The following LRAT variants were observed in gnomAD, a reference collection of about 807,000 sequenced individuals.
LRAT encodes lecithin retinol acyltransferase.
A neutral mutation model predicts 14.2 loss-of-function variants in LRAT; 11 were observed. The ratio of observed to expected loss-of-function variants is 0.78; its 90% CI spans 0.49 to 1.29. The LOEUF (loss-of-function observed/expected upper bound fraction) is 1.29. Ranked by LOEUF, LRAT falls within the 50% of genes most tolerant of loss-of-function variation. The pLI, the probability that LRAT is intolerant of heterozygous loss-of-function variation, is 0.00. For synonymous variants in LRAT, 144 were observed against 124.8 expected (o/e 1.15, Z -1.03); for missense variants, 274 against 292.4 (o/e 0.94, Z 0.46).
chr4:154,744,045 T>C lies in LRAT; in HGVS notation c.-179T>C, dbSNP rs1560870111. 9 of 490,044 alleles carry C rather than the reference T, an allele frequency of 1.8e-5. No individual in the cohort carries two copies. In the East Asian group the frequency reaches 3.4e-4, roughly 18 times the overall value. 30.4% of individuals were successfully genotyped at this position (490,044 alleles called of 1,614,324 possible). A position where few individuals can be genotyped will look rare whatever the true frequency, so the allele number is the denominator to read the frequency against. On this transcript the variant is annotated 5_prime_UTR_variant, in exon 1 of 3. Transcript: ENST00000336356. ...CCCCCGGCACGGCCCCCAGGTGCGC[T>C]CCTTCTCCGGCTGCTTGTAGCACTG...
chr4:154,744,128 G>C lies in LRAT; in HGVS notation c.-96G>C, dbSNP rs1229491340. The C allele has an allele frequency of 4.9e-6, 3 of 616,082 alleles. No individual in the cohort carries two copies. The East Asian group carries it at 8.3e-5, about 17-fold the overall frequency. 38.2% of individuals were successfully genotyped at this position (616,082 alleles called of 1,614,324 possible). On this transcript the variant is annotated 5_prime_UTR_variant, in exon 1 of 3. Coordinates refer to ENST00000336356, the MANE Select transcript of LRAT (RefSeq NM_004744.5). ...CTTATCCGTCTCATTCCCCATTGTGGCTTGGCTGAGCCGGTCGCCAGGCCT... is the reference window on the plus strand; with the variant it reads ...CTTATCCGTCTCATTCCCCATTGTGCCTTGGCTGAGCCGGTCGCCAGGCCT...
Position 154,744,153 on chromosome 4 carries a change from T to C in LRAT, c.-71T>C. On this transcript the variant is annotated 5_prime_UTR_variant, in exon 1 of 3. Transcript: ENST00000336356. The stretch of plus-strand genomic sequence containing the variant: ...GCTTGGCTGAGCCGGTCGCCAGGCC[T>C]CGCTGTCCTCCTTTGCCTTCCTCTC... The C allele has an allele frequency of 1.5e-6, 1 of 661,380 alleles. No individual in the cohort carries two copies. Among genetic ancestry groups the C allele is most frequent in the Non-Finnish European group, 2.6e-6 (1 of 379,942 alleles). The allele number at this position is 661,380 out of a possible 1,614,324, so 41.0% of individuals were successfully genotyped here.
upstream of LRAT, among the ~76,000 whole-genome samples, chr4:154,743,226 C>A (rs891370993): frequency 6.6e-6 from 1 of 151,662 alleles, no homozygotes; most frequent in Admixed American, 6.6e-5. Context: ...TGGCTCACGC[C>A]TGTAATCCCA....
intron 2 of LRAT, 151 bp downstream of exon 2, chr4:154,745,017 T>TCC (rs1419270872): frequency 0.014 from 7,869 of 568,552 alleles, 198 homozygotes; most frequent in African/African-American, 0.12. Flanking sequence ...TTTTTTTTTT[T>TCC]TTTTTTTTTT....
In LRAT at chr4:154,744,627, GTTA is replaced by G. The variant is rs1169173848; in HGVS notation, c.304_306del (p.Ile102del). 3.4e-5 allele frequency: 55 copies of G among 1,614,166 alleles called. No individual in the cohort carries two copies. The highest frequency in any genetic ancestry group is 4.6e-5 in the Non-Finnish European group (54 of 1,180,032). On this transcript the variant is annotated inframe_deletion, in exon 2 of 3. Coordinates refer to ENST00000336356, the MANE Select transcript of LRAT (RefSeq NM_004744.5). ...CTCCAACAAGCGTCTCATCCTGGGC[GTTA>G]TTGTCAAAGTGGCCAGCATCCGCGT...
rs886059164 is a variant in LRAT at position 154,749,465 on chromosome 4, T to C, written c.*329T>C. 4.1e-5 allele frequency: 10 copies of C among 245,046 alleles called. No individual in the cohort carries two copies. The highest frequency in any genetic ancestry group is 6.4e-5 in the Non-Finnish European group (8 of 125,104). 15.2% of individuals were successfully genotyped at this position (245,046 alleles called of 1,614,324 possible). On this transcript the variant is annotated 3_prime_UTR_variant, in exon 3 of 3. Coordinates refer to ENST00000336356, the MANE Select transcript of LRAT (RefSeq NM_004744.5). ...GTTTTTTTTTCTCCTGTAATCCTTGTACTGTTCGGCTGAATTTGAAGATTG... is the reference window on the plus strand; with the variant it reads ...GTTTTTTTTTCTCCTGTAATCCTTGCACTGTTCGGCTGAATTTGAAGATTG...
intron 2 of LRAT, among the ~76,000 whole-genome samples, chr4:154,747,705 T>C (rs1478762856): frequency 1.3e-5 from 2 of 152,198 alleles, no homozygotes; most frequent in Non-Finnish European, 2.9e-5. Context: ...TTTACAAAAA[T>C]ATGTCTTCCA....
At chr4:154,746,770 G>A (rs1253285957) in intron 2 of LRAT, among the ~76,000 whole-genome samples, 1 of 152,186 alleles carries the variant, frequency 6.6e-6, no homozygotes, top group Non-Finnish European at 1.5e-5. Context: ...TAAATAACTA[G>A]TTGGAGTAGT....
Position 154,744,814 on chromosome 4 carries a change from A to T in LRAT, c.488A>T (p.His163Leu). ...PYSLLWNNCE[H>L]FVTYCRYGTP... ...AGCCTGCTGTGGAACAACTGCGAGC[A>T]CTTCGTGACCTACTGCAGATATGGC... The change falls in exon 2 of 3, where the codon CAC becomes CTC. Residue 163 changes from histidine (H) to leucine (L), a missense_variant. By Grantham distance (99) the His-to-Leu change is moderately conservative. Coordinates refer to ENST00000336356, the MANE Select transcript of LRAT (RefSeq NM_004744.5). The T allele has an allele frequency of 6.2e-7, 1 of 1,613,938 alleles. No homozygotes were observed. The highest frequency in any genetic ancestry group is 1.1e-5 in the South Asian group (1 of 91,074).
chr4:154,749,472 C>T lies in LRAT; in HGVS notation c.*336C>T, dbSNP rs963950353. Reference sequence around the variant, plus strand: ...TTTCTCCTGTAATCCTTGTACTGTTCGGCTGAATTTGAAGATTGGAAGACT... The same window carrying T: ...TTTCTCCTGTAATCCTTGTACTGTTTGGCTGAATTTGAAGATTGGAAGACT... On this transcript the variant is annotated 3_prime_UTR_variant, in exon 3 of 3. Coordinates refer to ENST00000336356, the MANE Select transcript of LRAT (RefSeq NM_004744.5). The T allele has an allele frequency of 6.7e-5, 14 of 208,864 alleles. No individual in the cohort carries two copies. Among genetic ancestry groups the T allele is most frequent in the Admixed American group, 1.6e-4 (3 of 18,476 alleles). The allele number at this position is 208,864 out of a possible 1,614,324, so 12.9% of individuals were successfully genotyped here. A position where few individuals can be genotyped will look rare whatever the true frequency, so the allele number is the denominator to read the frequency against.
Position 154,744,651 on chromosome 4 carries a change from C to T in LRAT, c.325C>T (p.Arg109Cys). 6.2e-7 allele frequency: 1 copy of T among 1,614,178 alleles called. No individual in the cohort carries two copies. The highest frequency in any genetic ancestry group is 8.5e-7 in the Non-Finnish European group (1 of 1,180,028). ...LGVIVKVASI[R>C]VDTVEDFAYG... ...CGTTATTGTCAAAGTGGCCAGCATC[C>T]GCGTGGACACAGTGGAGGACTTCGC... Residue 109 changes from arginine to cysteine, a missense_variant, in exon 2 of 3, where the codon CGC becomes TGC. Coordinates refer to ENST00000336356, the MANE Select transcript of LRAT (RefSeq NM_004744.5).
In LRAT at chr4:154,752,752, T is replaced by C. The variant is rs1057054776; in HGVS notation, c.*3616T>C. 1.3e-5 allele frequency: 2 copies of C among 152,206 alleles called. No homozygotes were observed. Among genetic ancestry groups the C allele is most frequent in the African/African-American group, 2.4e-5 (1 of 41,456 alleles). 9.4% of individuals were successfully genotyped at this position (152,206 alleles called of 1,614,324 possible). A position where few individuals can be genotyped will look rare whatever the true frequency, so the allele number is the denominator to read the frequency against. On this transcript the variant is annotated 3_prime_UTR_variant, in exon 3 of 3. Transcript: ENST00000336356. ...TGCCAGAAAGTTGGTTCTTGCAAAA[T>C]AGATTAACTTGATGACTATGTGTAT... is the stretch of plus-strand genomic sequence containing the variant.
Position 154,752,988 on chromosome 4 carries a change from A to C in LRAT, c.*3852A>C, listed in dbSNP as rs1166121916. The C allele has an allele frequency of 6.6e-6, 1 of 152,338 alleles. No homozygotes were observed. 9.4% of individuals were successfully genotyped at this position (152,338 alleles called of 1,614,324 possible). A position where few individuals can be genotyped will look rare whatever the true frequency, so the allele number is the denominator to read the frequency against. On this transcript the variant is annotated 3_prime_UTR_variant, in exon 3 of 3. Coordinates refer to ENST00000336356, the MANE Select transcript of LRAT (RefSeq NM_004744.5). ...GCAAAAGTCCTTGTTGTAGATGAGA[A>C]GCATATAAGAAATGGTTGCCAATCT... is the stretch of plus-strand genomic sequence containing the variant.
At chr4:154,743,971 T>A (rs1355644847), upstream of LRAT, 1 of 224,854 alleles carries the variant, frequency 4.4e-6, no homozygotes, top group Admixed American at 5.2e-5. Context: ...TCGACGGCCA[T>A]AAAAAGTCGC....
At position 154,749,189 on chromosome 4, in the gene LRAT, T is replaced by G; in HGVS notation, c.*53T>G. 1 of 1,540,648 alleles carries G rather than the reference T, an allele frequency of 6.5e-7. No individual in the cohort carries two copies. Among genetic ancestry groups the G allele is most frequent in the Non-Finnish European group, 9.0e-7 (1 of 1,113,636 alleles). ...TTCTGTATGTAAATATGTTTATATT[T>G]ATAGAGCATCAATCAATATAAGCAT... is the stretch of plus-strand genomic sequence containing the variant. On this transcript the variant is annotated 3_prime_UTR_variant, in exon 3 of 3. Transcript: ENST00000336356.
At position 154,744,585 on chromosome 4, in the gene LRAT, C is replaced by A. The variant is rs1732840570; in HGVS notation, c.259C>A (p.Arg87Ser). 7 of 1,614,148 alleles carry A rather than the reference C, an allele frequency of 4.3e-6. No individual in the cohort carries two copies. Among genetic ancestry groups the A allele is most frequent in the Non-Finnish European group, 5.9e-6 (7 of 1,180,038 alleles). The change falls in exon 2 of 3, where the codon CGC (arginine) becomes AGC (serine). Residue 87 changes from arginine (R) to serine (S), a missense_variant. Transcript: ENST00000336356. ...ILLALTDDMG[R>S]TQKVVSNKRL... ...GTTGGCCCTGACAGACGACATGGGG[C>A]GCACGCAGAAGGTGGTCTCCAACAA...
intron 2 of LRAT, 142 bp from the exon 3 acceptor site, chr4:154,748,842 A>T: frequency 1.3e-6 from 1 of 776,726 alleles, no homozygotes. Context: ...TTAACATTGT[A>T]AATTTTTTTG....
At chr4:154,743,225 C>T (rs1047314754), upstream of LRAT, among the ~76,000 whole-genome samples, 1 of 151,554 alleles carries the variant, frequency 6.6e-6, no homozygotes, top group African/African-American at 2.4e-5. Flanking sequence ...GTGGCTCACG[C>T]CTGTAATCCC....
upstream of LRAT, among the ~76,000 whole-genome samples, chr4:154,742,980 T>G (rs1018355655): frequency 6.6e-6 from 1 of 152,212 alleles, no homozygotes; most frequent in African/African-American, 2.4e-5. Flanking sequence ...CTTGCTTTCC[T>G]GGCGGGCGTT....
Sources: gnomAD v4.1 joint callset for allele counts (sites outside exome capture counted in the v4.1 genomes callset) on GRCh38, gnomAD v4.1.1 for gene constraint, MANE v1.5 for transcripts, NCBI Gene and HGNC (gene_info 2026-07-23, HGNC 2026-07-21) for gene names.